PTPRD: variants seen among roughly 807,000 people sequenced by gnomAD.
PTPRD encodes receptor-type tyrosine-protein phosphatase delta.
In PTPRD, 34 loss-of-function variants were observed where a neutral mutation model predicts 214.5. The ratio of observed to expected loss-of-function variants is 0.16; its 90% CI spans 0.12 to 0.21. The LOEUF (loss-of-function observed/expected upper bound fraction) is 0.21. PTPRD is among the 10% of genes least tolerant of loss of function. The pLI, the probability that PTPRD is intolerant of heterozygous loss-of-function variation, is 1.00. For missense variants in PTPRD, 2,545 were observed against 2,398.7 expected, an observed-to-expected ratio of 1.06 and a Z score of -1.27; for synonymous variants, 1,128 against 845.7, an observed-to-expected ratio of 1.33 and a Z score of -5.79.
intron 12 of PTPRD, among the ~76,000 whole-genome samples, chr9:8,727,467 T>C (rs2098597683): frequency 6.6e-6 from 1 of 151,926 alleles, no homozygotes; most frequent in African/African-American, 2.4e-5. Context: ...GAAGAGGGAG[T>C]AATTTTGCCA....
chr9:9,465,855 A>T (rs1246913876), intron 8 of PTPRD, among the ~76,000 whole-genome samples: 1 of 152,116 alleles, frequency 6.6e-6, no homozygotes, highest in African/African-American at 2.4e-5. Context: ...GGTGGGTATT[A>T]GCCATGTGCT....
intron 2 of PTPRD, among the ~76,000 whole-genome samples, chr9:10,398,707 C>T (rs555784099): frequency 1.3e-5 from 2 of 151,812 alleles, no homozygotes; most frequent in African/African-American, 4.8e-5. Flanking sequence ...TATTAGTAGT[C>T]GTGATAATAA....
chr9:9,838,794 G>T (rs1045984305), intron 5 of PTPRD, among the ~76,000 whole-genome samples: 3 of 151,952 alleles, frequency 2.0e-5, no homozygotes, highest in Non-Finnish European at 4.4e-5. Context: ...ATCAATTTTG[G>T]CTTTTGTTGC....
At chr9:9,417,487 A>T (rs1443373936) in intron 8 of PTPRD, among the ~76,000 whole-genome samples, 1 of 152,072 alleles carries the variant, frequency 6.6e-6, no homozygotes, top group Non-Finnish European at 1.5e-5. Flanking sequence ...CTTGCTAAGG[A>T]GGGGACAATT....
rs180807555 is a variant in PTPRD, at chr9:9,342,851, C to A, written c.-203+54598G>T. ...CATTAGGCATTTCTTCTAATGCTAT[C>A]CCTCCCCTAGCCCCCTACCCCGCCA... is the stretch of plus-strand genomic sequence containing the variant. On this transcript the variant is annotated intron_variant, in intron 9 of 45. Coordinates refer to ENST00000381196, the MANE Select transcript of PTPRD (RefSeq NM_002839.4). Among the ~76,000 whole-genome samples the A allele has an allele frequency of 2.4e-3, 367 of 152,056 alleles. 3 individuals are homozygous for A. Among genetic ancestry groups the A allele is most frequent in the African/African-American group, 8.6e-3 (355 of 41,466 alleles).
chr9:8,671,693 G>C (rs911771490), intron 12 of PTPRD, among the ~76,000 whole-genome samples: 3 of 152,090 alleles, frequency 2.0e-5, no homozygotes, highest in African/African-American at 7.2e-5. Flanking sequence ...GACCTAAAAA[G>C]AAATCTCCAG....
At chr9:9,115,134 G>A (rs773769152) in intron 10 of PTPRD, among the ~76,000 whole-genome samples, 2 of 152,082 alleles carry the variant, frequency 1.3e-5, no homozygotes, top group Non-Finnish European at 2.9e-5. Flanking sequence ...CTTTGGTAAA[G>A]GTATTTCTGG....
At chr9:9,367,061 A>G (rs541356164) in intron 9 of PTPRD, among the ~76,000 whole-genome samples, 1 of 150,886 alleles carries the variant, frequency 6.6e-6, no homozygotes, top group Non-Finnish European at 1.5e-5. Flanking sequence ...AGTTTAAAAA[A>G]TAAAAACCCT....
chr9:9,279,352 A>C (rs1020262319), intron 9 of PTPRD, among the ~76,000 whole-genome samples: 10 of 147,708 alleles, frequency 6.8e-5, no homozygotes, highest in African/African-American at 2.5e-4. Context: ...TTATATATAT[A>C]TATATATCTA....
intron 8 of PTPRD, among the ~76,000 whole-genome samples, chr9:9,436,916 C>A (rs2085502902): frequency 6.6e-6 from 1 of 151,918 alleles, no homozygotes; most frequent in Admixed American, 6.6e-5. Flanking sequence ...TCTACGATAC[C>A]TGAACCCATG....
At chr9:9,378,781 T>C (rs2061439798) in intron 9 of PTPRD, among the ~76,000 whole-genome samples, 1 of 152,114 alleles carries the variant, frequency 6.6e-6, no homozygotes, top group Non-Finnish European at 1.5e-5. Flanking sequence ...AATCACCTTT[T>C]CATATGCTTA....
intron 10 of PTPRD, among the ~76,000 whole-genome samples, chr9:9,038,195 A>AAGAT (rs1361621941): frequency 1.3e-4 from 20 of 152,128 alleles, no homozygotes; most frequent in Admixed American, 1.3e-3. Context: ...AATCAAAAAA[A>AAGAT]AGATTGTGGG....
rs561559523 is a variant in PTPRD at position 9,561,641 on chromosome 9, T to A, written c.-237+13091A>T. ...TGTGCAGGGAAAAAGGCATTTAGGT[T>A]TAAGCCTTAACTGAAAAAAACACTC... On this transcript the variant is annotated intron_variant, in intron 8 of 45. Transcript: ENST00000381196. Among the ~76,000 whole-genome samples, 661 of 152,280 alleles carry A rather than the reference T, an allele frequency of 4.3e-3. 6 individuals are homozygous for A. The highest frequency in any genetic ancestry group is 6.9e-3 in the Non-Finnish European group (467 of 68,018).
Position 10,479,173 on chromosome 9 carries a change from GCTAAGAAATAATGGCA to G in PTPRD, c.-600+133209_-600+133224del, listed in dbSNP as rs1479833523. Among the ~76,000 whole-genome samples, 27 of 152,230 alleles carry G rather than the reference GCTAAGAAATAATGGCA, an allele frequency of 1.8e-4. 1 individual carries two copies. In the Middle Eastern group the frequency reaches 0.014, roughly 77 times the overall value. ...TCTATACTCGTATAATTCTCAGAAT[GCTAAGAAATAATGGCA>G]CAGAATTTCCAGGCACATTCTGTTA... On this transcript the variant is annotated intron_variant, in intron 2 of 45. Coordinates refer to ENST00000381196, the MANE Select transcript of PTPRD (RefSeq NM_002839.4).
At chr9:8,897,062 G>A (rs2154247697) in intron 11 of PTPRD, among the ~76,000 whole-genome samples, 1 of 152,202 alleles carries the variant, frequency 6.6e-6, no homozygotes, top group South Asian at 2.1e-4. Context: ...AAATACATCA[G>A]GATAAATTAT....
chr9:8,407,759 CA>C (rs1399671180), intron 35 of PTPRD, among the ~76,000 whole-genome samples: 1 of 152,162 alleles, frequency 6.6e-6, no homozygotes, highest in Non-Finnish European at 1.5e-5. Context: ...TTACACGGAT[CA>C]AACAAACATT....
In PTPRD at chr9:9,239,562, G is replaced by A. The variant is rs530251497; in HGVS notation, c.-202-56199C>T. ...TTTGATACTTGCCTGATTTATTGGT[G>A]GACTGAAGCTATGGGAGTCAGTTGC... On this transcript the variant is annotated intron_variant, in intron 9 of 45. Coordinates refer to ENST00000381196, the MANE Select transcript of PTPRD (RefSeq NM_002839.4). Among the ~76,000 whole-genome samples, 51 of 152,262 alleles carry A rather than the reference G, an allele frequency of 3.3e-4. No individual in the cohort carries two copies. In the South Asian group the frequency reaches 0.011, roughly 32 times the overall value.
At chr9:9,577,981 G>C (rs1330679530) in intron 7 of PTPRD, among the ~76,000 whole-genome samples, 1 of 144,618 alleles carries the variant, frequency 6.9e-6, no homozygotes, top group Non-Finnish European at 1.5e-5. Context: ...AGGAGGCAGA[G>C]GTTGCAGTGA....
At chr9:8,318,702 T>TTGTC (rs1489686566) in intron 45 of PTPRD, among the ~76,000 whole-genome samples, 2 of 152,032 alleles carry the variant, frequency 1.3e-5, no homozygotes, top group Non-Finnish European at 1.5e-5. Flanking sequence ...TGATTGCTAG[T>TTGTC]TGTCTGTTTT....
Sources: allele counts gnomAD v4.1 joint callset (sites outside exome capture counted in the v4.1 genomes callset), GRCh38; gene constraint gnomAD v4.1.1; transcripts MANE v1.5; gene names NCBI Gene and HGNC (gene_info 2026-07-23, HGNC 2026-07-21).